P3H2: variants seen among roughly 807,000 people sequenced by gnomAD.
P3H2 encodes leprecan-like 1.
P3H2 carries 80 observed loss-of-function variants against 87.0 expected under a neutral mutation model. The observed-to-expected ratio is 0.92, with a 90% CI of 0.77 to 1.11. The LOEUF is 1.11. P3H2 is among the 50% of genes least tolerant of loss of function. The pLI is 0.00. For synonymous variants in P3H2, 367 were observed against 359.3 expected (o/e 1.02, Z -0.24); for missense variants, 1,001 against 923.9 (o/e 1.08, Z -1.08).
chr3:190,089,333 C>T (rs138769124), intron 1 of P3H2, among the ~76,000 whole-genome samples: 2,587 of 152,152 alleles, frequency 0.017, 71 homozygotes, highest in African/African-American at 0.06. Context: ...CAAACCTGCA[C>T]GTTGTGCACA....
chr3:190,039,424 T>C (rs902356360), intron 1 of P3H2, among the ~76,000 whole-genome samples: 1 of 152,224 alleles, frequency 6.6e-6, no homozygotes, highest in Non-Finnish European at 1.5e-5. Context: ...TCTGATATGA[T>C]AACTTCATGA....
chr3:190,007,822 T>A (rs1057184368), intron 1 of P3H2, among the ~76,000 whole-genome samples: 11 of 148,698 alleles, frequency 7.4e-5, no homozygotes, highest in African/African-American at 1.2e-4. Context: ...TTTTTTTTTT[T>A]ATGTACTACT....
intron 1 of P3H2, among the ~76,000 whole-genome samples, chr3:190,010,611 G>A (rs1313877204): frequency 1.3e-5 from 2 of 152,142 alleles, no homozygotes; most frequent in African/African-American, 2.4e-5. Context: ...GCCAAGGAGA[G>A]AGGCCACAGG....
chr3:190,108,540 T>C (rs1378876981), intron 1 of P3H2, among the ~76,000 whole-genome samples: 1 of 152,228 alleles, frequency 6.6e-6, no homozygotes, highest in Non-Finnish European at 1.5e-5. Context: ...ACTTTTTCTT[T>C]CCCATATTTA....
intron 8 of P3H2, among the ~76,000 whole-genome samples, chr3:189,975,274 G>A (rs2108910754): frequency 6.6e-6 from 1 of 152,276 alleles, no homozygotes; most frequent in Admixed American, 6.5e-5. Flanking sequence ...TTTCCACACA[G>A]GAGGGTTTCC....
At chr3:190,043,160 T>TGTGC (rs1725693229) in intron 1 of P3H2, among the ~76,000 whole-genome samples, 2 of 151,924 alleles carry the variant, frequency 1.3e-5, no homozygotes, top group African/African-American at 2.4e-5. Flanking sequence ...TGTGTGTGTG[T>TGTGC]TCATGTGCAC....
At chr3:190,098,174 T>G (rs1727647204) in intron 1 of P3H2, among the ~76,000 whole-genome samples, 1 of 152,222 alleles carries the variant, frequency 6.6e-6, no homozygotes, top group Admixed American at 6.5e-5. Flanking sequence ...TGTATAGAAC[T>G]TGAACATTTC....
chr3:190,075,249 G>A (rs1726829563), intron 1 of P3H2, among the ~76,000 whole-genome samples: 1 of 152,202 alleles, frequency 6.6e-6, no homozygotes, highest in Admixed American at 6.5e-5. Flanking sequence ...ACTTTGGGAG[G>A]CCAAGGCGGG....
chr3:190,005,914 G>C (rs1207990790), intron 1 of P3H2, among the ~76,000 whole-genome samples: 2 of 152,166 alleles, frequency 1.3e-5, no homozygotes, highest in African/African-American at 4.8e-5. Context: ...TTTCATGATA[G>C]AGTTCTTTCA....
chr3:190,003,351 A>G (rs1298527972), intron 1 of P3H2, among the ~76,000 whole-genome samples: 2 of 152,220 alleles, frequency 1.3e-5, no homozygotes. Flanking sequence ...CCGTGAAACA[A>G]CAGATTCCAT....
chr3:190,013,887 G>C (rs1205911810), intron 1 of P3H2, among the ~76,000 whole-genome samples: 1 of 152,132 alleles, frequency 6.6e-6, no homozygotes, highest in African/African-American at 2.4e-5. Context: ...CAAGAATTTG[G>C]TGTGAGTAGA....
At position 189,971,963 on chromosome 3, in the gene P3H2, C is replaced by T; in HGVS notation, c.1744G>A (p.Asp582Asn). The T allele has an allele frequency of 6.2e-7, 1 of 1,613,844 alleles. No homozygotes were observed. Among genetic ancestry groups the T allele is most frequent in the Non-Finnish European group, 8.5e-7 (1 of 1,179,762 alleles). ...GCCTCTGGATCCAACAAACAGTTGT[C>T]AGCATGGATGGGATGACTGAGGTCA... ...RNDLSHPIHA[D>N]NCLLDPEANE... is the part of the protein sequence containing the mutation. The change falls in exon 12 of 15, where the codon GAC becomes AAC. Residue 582 changes from aspartate (D) to asparagine (N), a missense_variant. Transcript: ENST00000319332.
chr3:190,051,404 G>A (rs896907139), intron 1 of P3H2, among the ~76,000 whole-genome samples: 3 of 152,032 alleles, frequency 2.0e-5, no homozygotes, highest in Admixed American at 6.6e-5. Context: ...AATTTAATAC[G>A]GAAAAGGTAA....
rs1577241804 is a variant in P3H2 at position 189,964,087 on chromosome 3, T to C, written c.1905A>G (p.Lys635=). The C allele has an allele frequency of 2.5e-6, 4 of 1,614,106 alleles. 1 individual carries two copies. The South Asian group carries it at 3.3e-5, about 13-fold the overall frequency. ...AGCTGATCATGCGCCCACATTTTGG[T>C]TTTATAGAGGCCTGAGAAAGAAAGC... The part of the protein sequence containing the change: ...MDAKTVTASI[K]PKCGRMISFS... Residue 635 remains lysine, a synonymous_variant, in exon 14 of 15, where the codon AAA becomes AAG. Transcript: ENST00000319332.
chr3:190,081,077 T>C (rs1372015725), intron 1 of P3H2, among the ~76,000 whole-genome samples: 4 of 152,212 alleles, frequency 2.6e-5, no homozygotes, highest in Admixed American at 6.5e-5. Flanking sequence ...TGTCTCCAAC[T>C]GTATAATAGA....
At chr3:190,107,869 A>G (rs1314547104) in intron 1 of P3H2, among the ~76,000 whole-genome samples, 1 of 152,086 alleles carries the variant, frequency 6.6e-6, no homozygotes, top group Non-Finnish European at 1.5e-5. Flanking sequence ...TGTACTATTG[A>G]TTAAATTAAT....
intron 1 of P3H2, among the ~76,000 whole-genome samples, chr3:190,020,990 A>G (rs1724913819): frequency 7.4e-6 from 1 of 134,628 alleles, no homozygotes; most frequent in South Asian, 2.7e-4. Context: ...AGACTCAAAA[A>G]GGCAAAATAA....
intron 1 of P3H2, among the ~76,000 whole-genome samples, chr3:190,056,017 C>T (rs957256200): frequency 1.7e-4 from 26 of 152,140 alleles, no homozygotes; most frequent in African/African-American, 5.1e-4. Context: ...TAAATGAGGT[C>T]ATTAGGGTGG....
At chr3:190,074,767 T>G (rs1726814308) in intron 1 of P3H2, among the ~76,000 whole-genome samples, 1 of 152,242 alleles carries the variant, frequency 6.6e-6, no homozygotes, top group Non-Finnish European at 1.5e-5. Context: ...TTGCTTTATG[T>G]CTTTTCTCTC....
Sources: allele counts gnomAD v4.1 joint callset (sites outside exome capture counted in the v4.1 genomes callset), GRCh38; gene constraint gnomAD v4.1.1; transcripts MANE v1.5; gene names NCBI Gene and HGNC (gene_info 2026-07-23, HGNC 2026-07-21).